PUM1: variants seen among roughly 807,000 people sequenced by gnomAD.
The protein encoded by PUM1 is pumilio RNA binding family member 1.
In PUM1, 13 loss-of-function variants were observed where a neutral mutation model predicts 131.8. That is an observed-to-expected ratio of 0.10 (90% CI 0.06 to 0.16). The LOEUF (loss-of-function observed/expected upper bound fraction) is 0.16, where lower values mean the gene tolerates loss of function less well. Among genes scored for constraint, PUM1 ranks in the 10% least tolerant of loss-of-function variants. PUM1 has a pLI of 1.00. For synonymous variants in PUM1, 509 were observed against 556.5 expected, an observed-to-expected ratio of 0.91 and a Z score of 1.20; for missense variants, 961 against 1,512.4, an observed-to-expected ratio of 0.64 and a Z score of 6.05.
intron 14 of PUM1, among the ~76,000 whole-genome samples, chr1:30,956,802 G>C (rs1003330842): frequency 1.3e-5 from 2 of 152,152 alleles, no homozygotes; most frequent in African/African-American, 4.8e-5. Flanking sequence ...AAAGGAGCCA[G>C]GTCCTTGGTG....
chr1:31,027,661 A>G (rs1162838559), intron 3 of PUM1, among the ~76,000 whole-genome samples: 1 of 152,240 alleles, frequency 6.6e-6, no homozygotes, highest in Non-Finnish European at 1.5e-5. Flanking sequence ...ATCTTGTAAC[A>G]AAGAAAGCAA....
At chr1:30,972,343 G>A (rs1275888002) in intron 10 of PUM1, among the ~76,000 whole-genome samples, 2 of 28 alleles carry the variant, frequency 0.071, 1 homozygote, top group Non-Finnish European at 0.11. Flanking sequence ...GGAGGGGAGG[G>A]GAGGGGAGGG....
At chr1:30,972,190 GGT>G in intron 10 of PUM1, among the ~76,000 whole-genome samples, 3 of 147,522 alleles carry the variant, frequency 2.0e-5, no homozygotes, top group Non-Finnish European at 4.5e-5. Context: ...GGGAGGCGAA[GGT>G]TGCAGTGAGC....
intron 10 of PUM1, among the ~76,000 whole-genome samples, chr1:30,974,388 C>G (rs1047764873): frequency 1.3e-5 from 2 of 152,156 alleles, no homozygotes; most frequent in African/African-American, 4.8e-5. Flanking sequence ...CTTTGAAGAT[C>G]CACTTTGCCA....
intron 20 of PUM1, among the ~76,000 whole-genome samples, 157 bp downstream of exon 20, chr1:30,940,994 C>CA (rs1229750346): frequency 1.3e-5 from 2 of 152,164 alleles, no homozygotes; most frequent in East Asian, 1.9e-4. Flanking sequence ...AGGGACCTCT[C>CA]AGAGTTTATA....
intron 2 of PUM1, among the ~76,000 whole-genome samples, chr1:31,049,154 G>A (rs564775106): frequency 1.3e-5 from 2 of 151,176 alleles, no homozygotes; most frequent in African/African-American, 2.4e-5. Context: ...GCAGTGAGCC[G>A]AGATTGTGCC....
At chr1:30,994,304 A>G (rs1641908469) in intron 6 of PUM1, among the ~76,000 whole-genome samples, 1 of 152,180 alleles carries the variant, frequency 6.6e-6, no homozygotes, top group Non-Finnish European at 1.5e-5. Context: ...ACTCAAAATT[A>G]AATTCTCTAC....
intron 7 of PUM1, among the ~76,000 whole-genome samples, chr1:30,988,382 T>C (rs1419426221): frequency 6.6e-6 from 1 of 152,164 alleles, no homozygotes; most frequent in Admixed American, 6.5e-5. Flanking sequence ...TGAAACCAGC[T>C]TATTACACCA....
At chr1:30,966,976 C>G in intron 12 of PUM1, 191 bp downstream of exon 12, 1 of 590,214 alleles carries the variant, frequency 1.7e-6, no homozygotes, top group Non-Finnish European at 2.7e-6. Flanking sequence ...CCTCCCCCAA[C>G]CCACCAACCC....
At chr1:30,949,811 G>A (rs1029480684) in intron 17 of PUM1, among the ~76,000 whole-genome samples, 7 of 152,126 alleles carry the variant, frequency 4.6e-5, no homozygotes, top group Non-Finnish European at 7.4e-5. Context: ...TGACTTGTTG[G>A]AGAAAATGAT....
At chr1:31,052,021 T>C (rs1022301320) in intron 2 of PUM1, among the ~76,000 whole-genome samples, 1 of 152,144 alleles carries the variant, frequency 6.6e-6, no homozygotes, top group Non-Finnish European at 1.5e-5. Context: ...GTAACTTTTT[T>C]TTTTCTTTGG....
In PUM1 at chr1:30,945,363, C is replaced by G; in HGVS notation, c.2977G>C (p.Asp993His). The change falls in exon 18 of 22, where the codon GAT becomes CAT. Residue 993 changes from aspartate to histidine, a missense_variant. Coordinates refer to ENST00000426105, the MANE Select transcript of PUM1 (RefSeq NM_001020658.2). ...TCACTTACCTGTCCCTTAAACGCAT[C>G]GATGATAAATTGCAAAGACTGGGGC... is the stretch of plus-strand genomic sequence containing the variant. ...VQPQSLQFIIDAFKGQVFALS... is the reference protein window; with the variant it reads ...VQPQSLQFIIHAFKGQVFALS... 2 of 1,614,126 alleles carry G rather than the reference C, an allele frequency of 1.2e-6. No individual in the cohort carries two copies. The highest frequency in any genetic ancestry group is 1.7e-6 in the Non-Finnish European group (2 of 1,180,022).
intron 2 of PUM1, among the ~76,000 whole-genome samples, chr1:31,044,971 A>G (rs897819484): frequency 1.3e-5 from 2 of 152,104 alleles, no homozygotes; most frequent in African/African-American, 4.8e-5. Context: ...CACCACGCCC[A>G]GCTAGTTTTT....
intron 5 of PUM1, among the ~76,000 whole-genome samples, chr1:30,999,621 A>C (rs1642128670): frequency 7.0e-6 from 1 of 142,424 alleles, no homozygotes; most frequent in Non-Finnish European, 1.5e-5. Flanking sequence ...AAAAAAAAAA[A>C]AAAAAAAAAA....
At chr1:30,941,345 C>A (rs1639431918) in intron 19 of PUM1, 73 bp from the exon 20 acceptor site, 1 of 1,449,684 alleles carries the variant, frequency 6.9e-7, no homozygotes, top group African/African-American at 1.4e-5. Flanking sequence ...GTCCTTATAT[C>A]TAATTAAAAC....
chr1:30,943,042 CA>C (rs1639523782), intron 18 of PUM1, among the ~76,000 whole-genome samples: 1 of 152,144 alleles, frequency 6.6e-6, no homozygotes, highest in African/African-American at 2.4e-5. Context: ...AGGTGTGAGC[CA>C]CTGCACCTAG....
chr1:31,005,527 C>CCCT (rs1156843012), intron 5 of PUM1, among the ~76,000 whole-genome samples: 3 of 152,098 alleles, frequency 2.0e-5, no homozygotes, highest in Non-Finnish European at 4.4e-5. Flanking sequence ...TTCACCACCC[C>CCCT]CCTTTTGCTT....
intron 2 of PUM1, among the ~76,000 whole-genome samples, chr1:31,038,995 T>A (rs1643729602): frequency 8.2e-6 from 1 of 121,594 alleles, no homozygotes; most frequent in African/African-American, 3.6e-5. Context: ...TTTTTTTTTT[T>A]TTTTTCCTTT....
chr1:30,940,201 G>T (rs1570083669), intron 20 of PUM1, among the ~76,000 whole-genome samples: 1 of 152,198 alleles, frequency 6.6e-6, no homozygotes, highest in East Asian at 1.9e-4. Flanking sequence ...ATGAGGCCAG[G>T]TACTGGTGGC....
Sources: allele counts gnomAD v4.1 joint callset (sites outside exome capture counted in the v4.1 genomes callset), GRCh38; gene constraint gnomAD v4.1.1; transcripts MANE v1.5; gene names NCBI Gene and HGNC (gene_info 2026-07-23, HGNC 2026-07-21).